Variants in ZNF362 observed in about 807,000 individuals in gnomAD.
ZNF362 encodes zinc finger protein 362, also known as rotund homolog.
In ZNF362, 11 loss-of-function variants were observed where a neutral mutation model predicts 42.9. The ratio of observed to expected loss-of-function variants is 0.26; its 90% CI spans 0.16 to 0.42. ZNF362 has a LOEUF of 0.42. Among genes scored for constraint, ZNF362 ranks in the 20% least tolerant of loss-of-function variants. The probability of loss-of-function intolerance (pLI) is 1.00; values close to 1 mark genes in which losing one functional copy is unlikely to be tolerated. For synonymous variants in ZNF362, 255 were observed against 257.3 expected (o/e 0.99, Z 0.09); for missense variants, 362 against 576.2 (o/e 0.63, Z 3.81).
chr1:33,239,584 A>C, the ZNF362 span, among the ~76,000 whole-genome samples: 1 of 152,306 alleles, frequency 6.6e-6, no homozygotes, highest in Admixed American at 6.5e-5. Flanking sequence ...GCAAAGGAGA[A>C]GCAGGCGCCT....
chr1:33,288,841 G>A (rs996052831), intron 6 of ZNF362, among the ~76,000 whole-genome samples: 1 of 151,884 alleles, frequency 6.6e-6, no homozygotes, highest in African/African-American at 2.4e-5. Context: ...CTCCCCTAGT[G>A]GGAAGATGCC....
intron 4 of ZNF362, 124 bp downstream of exon 4, chr1:33,276,718 T>C: frequency 1.7e-6 from 2 of 1,196,204 alleles, no homozygotes; most frequent in Non-Finnish European, 2.1e-6. Flanking sequence ...GGCCTAGGGG[T>C]AGGGCATAAA....
chr1:33,130,582 G>T, the ZNF362 span, among the ~76,000 whole-genome samples: 1 of 152,206 alleles, frequency 6.6e-6, no homozygotes, highest in Non-Finnish European at 1.5e-5. Context: ...TAGAATGACT[G>T]CAGCCCCAGC....
the ZNF362 span, among the ~76,000 whole-genome samples, chr1:33,157,658 T>C: frequency 6.6e-6 from 1 of 152,234 alleles, no homozygotes; most frequent in Non-Finnish European, 1.5e-5. Flanking sequence ...TGAACTCTTA[T>C]GTACCCTGTT....
chr1:33,181,337 G>C, the ZNF362 span: 1 of 1,581,654 alleles, frequency 6.3e-7, no homozygotes, highest in African/African-American at 1.3e-5. The surrounding 1 kb of genome is among the most constrained non-coding windows in gnomAD (Gnocchi z 6.5). Flanking sequence ...TGATGCAGCG[G>C]CGGCAGAAGT....
the ZNF362 span, chr1:33,195,855 A>T: frequency 6.6e-6 from 1 of 151,964 alleles, no homozygotes; most frequent in East Asian, 1.9e-4. Context: ...TTATAAAAAA[A>T]TTTTCTTTCT....
At chr1:33,185,224 CT>C in the ZNF362 span, among the ~76,000 whole-genome samples, 53 of 149,104 alleles carry the variant, frequency 3.6e-4, no homozygotes, top group African/African-American at 5.7e-4. Context: ...GTCACAGACT[CT>C]TTTTTTTTTC....
rs1645996502 is a variant in ZNF362, at chr1:33,281,776, C to T, written c.873C>T (p.Ser291=). ...KPYHCSYCDK[S]FRQLSHLQQH... The stretch of plus-strand genomic sequence containing the variant: ...ACCACTGCTCCTACTGTGATAAGTC[C>T]TTCCGGCAGCTCTCCCACCTCCAGC... The change falls in exon 6 of 9, where the codon TCC becomes TCT. Residue 291 remains serine (S), a synonymous_variant. Transcript: ENST00000539719. The surrounding 1 kb of genome is among the most constrained non-coding windows in gnomAD (Gnocchi z 4.8). 2 of 1,614,222 alleles carry T rather than the reference C, an allele frequency of 1.2e-6. No individual in the cohort carries two copies. Among genetic ancestry groups the T allele is most frequent in the Non-Finnish European group, 1.7e-6 (2 of 1,180,036 alleles).
At chr1:33,256,147 G>C (rs1195736249), upstream of ZNF362, among the ~76,000 whole-genome samples, 2 of 149,534 alleles carry the variant, frequency 1.3e-5, no homozygotes, top group Non-Finnish European at 3.0e-5. Context: ...GCGGGCGGGG[G>C]GCGCAGCGCA....
intron 6 of ZNF362, among the ~76,000 whole-genome samples, chr1:33,288,834 C>T (rs1646052784): frequency 6.7e-6 from 1 of 149,404 alleles, no homozygotes; most frequent in Admixed American, 6.8e-5. Flanking sequence ...CTGGGTGCTC[C>T]CCTAGTGGGA....
chr1:33,219,103 A>G, the ZNF362 span, among the ~76,000 whole-genome samples: 12 of 152,276 alleles, frequency 7.9e-5, no homozygotes, highest in East Asian at 1.4e-3. Context: ...GATAACCTCT[A>G]AACATTGAAG....
At chr1:33,185,309 C>T in the ZNF362 span, among the ~76,000 whole-genome samples, 2 of 152,110 alleles carry the variant, frequency 1.3e-5, no homozygotes, top group South Asian at 2.1e-4. Context: ...GCAACCTCCA[C>T]CTCCCAGCCT....
intron 4 of ZNF362, among the ~76,000 whole-genome samples, chr1:33,277,358 C>G (rs941309142): frequency 6.6e-6 from 1 of 152,252 alleles, no homozygotes; most frequent in African/African-American, 2.4e-5. Flanking sequence ...GCTCCAGAGC[C>G]TGTATCTTCA....
chr1:33,265,997 TC>T (rs577904939), intron 1 of ZNF362, among the ~76,000 whole-genome samples: 81 of 152,278 alleles, frequency 5.3e-4, no homozygotes, highest in African/African-American at 1.8e-3. Context: ...TCCTTTGGCA[TC>T]TCCCTCTTGC....
At chr1:33,189,718 T>TATATATATATATATATATATAC in the ZNF362 span, among the ~76,000 whole-genome samples, 22 of 125,808 alleles carry the variant, frequency 1.7e-4, 3 homozygotes, top group African/African-American at 7.0e-4. Context: ...CGTATATATA[T>TATATATATATATATATATATAC]ACATACACAC....
the ZNF362 span, among the ~76,000 whole-genome samples, chr1:33,151,871 C>T: frequency 6.6e-6 from 1 of 152,208 alleles, no homozygotes; most frequent in South Asian, 2.1e-4. Flanking sequence ...GGGGCACAGC[C>T]CAGCACAGCT....
chr1:33,167,601 C>G, the ZNF362 span, among the ~76,000 whole-genome samples: 1 of 152,180 alleles, frequency 6.6e-6, no homozygotes, highest in Admixed American at 6.6e-5. This position sits in a 1 kb window ranked among gnomAD's most constrained non-coding sequence, Gnocchi z 4.2. Flanking sequence ...AGATGGGACT[C>G]AATGACGCTT....
chr1:33,267,060 G>C (rs1012387397), intron 1 of ZNF362, among the ~76,000 whole-genome samples: 7 of 152,232 alleles, frequency 4.6e-5, no homozygotes, highest in Admixed American at 4.6e-4. Flanking sequence ...TGGGGTCATG[G>C]GTGGGGCTGG....
At chr1:33,246,851 T>C in the ZNF362 span, among the ~76,000 whole-genome samples, 1 of 152,144 alleles carries the variant, frequency 6.6e-6, no homozygotes, top group African/African-American at 2.4e-5. Flanking sequence ...CAGTTATTGG[T>C]TCAAGGGTGG....
Sources: allele counts gnomAD v4.1 joint callset (sites outside exome capture counted in the v4.1 genomes callset), GRCh38; gene constraint gnomAD v4.1.1; non-coding constraint Gnocchi (gnomAD v3.1); transcripts MANE v1.5; gene names NCBI Gene and HGNC (gene_info 2026-07-23, HGNC 2026-07-21).